The following PIGL variants were observed in gnomAD, a reference collection of about 807,000 sequenced individuals.
PIGL encodes the protein N-acetylglucosaminyl-phosphatidylinositol de-N-acetylase.
Under a neutral mutation model 31.1 loss-of-function variants are expected in PIGL, and 22 were observed. The ratio of observed to expected loss-of-function variants is 0.71; its 90% CI spans 0.51 to 1.01. PIGL has a LOEUF of 1.01. Among genes scored for constraint, PIGL ranks in the 50% least tolerant of loss-of-function variants. The pLI is 0.00. For missense variants in PIGL, 302 were observed against 315.9 expected (o/e 0.96, Z 0.33); for synonymous variants, 131 against 117.4 (o/e 1.12, Z -0.75).
intron 2 of PIGL, among the ~76,000 whole-genome samples, chr17:16,273,720 G>A (rs1353040048): frequency 6.6e-6 from 1 of 152,090 alleles, no homozygotes; most frequent in African/African-American, 2.4e-5. Context: ...AAAACAAAGG[G>A]TCTCCCAGAT....
At position 16,325,856 on chromosome 17, in the gene PIGL, C is replaced by T. The variant is rs1323305362; in HGVS notation, c.717C>T (p.Ile239=). 2 of 1,614,012 alleles carry T rather than the reference C, an allele frequency of 1.2e-6. No homozygotes were observed. The highest frequency in any genetic ancestry group is 1.3e-5 in the African/African-American group (1 of 75,060). ...QLLWFRRLYI[I]FSRYMRINSL... ...TCTGGTTCCGCCGCCTCTACATTAT[C>T]TTCTCCCGGTACATGAGAATCAACT... The change falls in exon 7 of 7, where the codon ATC becomes ATT. Residue 239 remains isoleucine, a synonymous_variant. Transcript: ENST00000225609.
chr17:16,265,468 C>T (rs1352530496), intron 2 of PIGL, among the ~76,000 whole-genome samples: 3 of 152,088 alleles, frequency 2.0e-5, no homozygotes, highest in African/African-American at 4.8e-5. Context: ...CCAGACCAGG[C>T]GCGGTGGCTC....
At chr17:16,277,829 AC>A (rs2092901893) in intron 2 of PIGL, among the ~76,000 whole-genome samples, 1 of 152,172 alleles carries the variant, frequency 6.6e-6, no homozygotes, top group Non-Finnish European at 1.5e-5. Context: ...GTGGCATACA[AC>A]AATTTTTACA....
At chr17:16,222,459 C>A (rs770612743) in intron 1 of PIGL, among the ~76,000 whole-genome samples, 2 of 152,004 alleles carry the variant, frequency 1.3e-5, no homozygotes, top group Non-Finnish European at 2.9e-5. Flanking sequence ...TTCATCCTGT[C>A]AGCAACTCTG....
At chr17:16,217,640 TGGGGGA>T in intron 1 of PIGL, 179 bp downstream of exon 1, 58 of 540,002 alleles carry the variant, frequency 1.1e-4, no homozygotes, top group South Asian at 4.5e-4. Flanking sequence ...CCTGGTGGGT[TGGGGGA>T]CGTCGGCAGC....
chr17:16,299,026 C>T (rs1274951370), intron 2 of PIGL, among the ~76,000 whole-genome samples: 1 of 151,144 alleles, frequency 6.6e-6, no homozygotes, highest in African/African-American at 2.4e-5. Context: ...GACTCTGACT[C>T]GGGAAAAATA....
At chr17:16,315,747 G>A (rs1274299264) in intron 4 of PIGL, among the ~76,000 whole-genome samples, 3 of 107,668 alleles carry the variant, frequency 2.8e-5, no homozygotes, top group Non-Finnish European at 5.1e-5. Flanking sequence ...ACAGAGTCTC[G>A]CTCTGTCACC....
chr17:16,300,786 T>C (rs111575961), intron 3 of PIGL, among the ~76,000 whole-genome samples: 1,760 of 152,200 alleles, frequency 0.012, 45 homozygotes, highest in African/African-American at 0.04. Flanking sequence ...GAAGCCAGGA[T>C]TTTTAAGCAT....
chr17:16,259,441 C>T (rs1171987205), intron 2 of PIGL, among the ~76,000 whole-genome samples: 1 of 151,648 alleles, frequency 6.6e-6, no homozygotes, highest in African/African-American at 2.4e-5. Context: ...GAGGCCGAGG[C>T]AGGAGGATCA....
intron 2 of PIGL, among the ~76,000 whole-genome samples, chr17:16,245,808 A>ATC (rs2092743526): frequency 9.7e-6 from 1 of 102,608 alleles, no homozygotes; most frequent in African/African-American, 5.1e-5. Flanking sequence ...ACACACACAT[A>ATC]TATATATATA....
At chr17:16,294,857 A>G (rs1460932524) in intron 2 of PIGL, among the ~76,000 whole-genome samples, 2 of 152,090 alleles carry the variant, frequency 1.3e-5, no homozygotes, top group African/African-American at 2.4e-5. Flanking sequence ...TTCTCCTGAC[A>G]TCTAGTTCCC....
Position 16,272,319 on chromosome 17 carries a change from A to T in PIGL, c.336-27569A>T, listed in dbSNP as rs1224315987. ...TCTGTTATTTACAGCCTCATTATTG[A>T]CATTTTGTCAATAGTTCTGACCTAT... On this transcript the variant is annotated intron_variant, in intron 2 of 6. Transcript: ENST00000225609. Among the ~76,000 whole-genome samples the T allele has an allele frequency of 2.6e-5, 4 of 152,306 alleles. No homozygotes were observed. The East Asian group carries it at 7.7e-4, about 29-fold the overall frequency.
At chr17:16,269,377 G>T (rs2142766001) in intron 2 of PIGL, among the ~76,000 whole-genome samples, 2 of 152,228 alleles carry the variant, frequency 1.3e-5, no homozygotes, top group South Asian at 4.1e-4. Flanking sequence ...GCCAGGCACT[G>T]TGGCTCATGC....
At chr17:16,228,959 T>C (rs1175779213) in intron 1 of PIGL, among the ~76,000 whole-genome samples, 1 of 152,156 alleles carries the variant, frequency 6.6e-6, no homozygotes, top group African/African-American at 2.4e-5. Flanking sequence ...AGTTCATCCA[T>C]ATTGTGGCAT....
intron 6 of PIGL, among the ~76,000 whole-genome samples, chr17:16,319,002 C>T (rs1600866437): frequency 6.6e-6 from 1 of 150,970 alleles, no homozygotes; most frequent in African/African-American, 2.4e-5. Context: ...GCCTGTAATC[C>T]CAGTACTTTG....
rs146367145 is a variant in PIGL at position 16,293,262 on chromosome 17, C to T, written c.336-6626C>T. 8.0e-3 allele frequency among the ~76,000 whole-genome samples: 1,222 copies of T among 152,352 alleles called. 9 individuals carry two copies. The highest frequency in any genetic ancestry group is 0.014 in the Non-Finnish European group (960 of 68,036). On this transcript the variant is annotated intron_variant, in intron 2 of 6. Coordinates refer to ENST00000225609, the MANE Select transcript of PIGL (RefSeq NM_004278.4). Reference sequence around the variant, plus strand: ...TCTTTCGGCCTGGCGCAGTGGCTCACGCCTGTAATCCCAGCACTTTGGAAG... The same window carrying T: ...TCTTTCGGCCTGGCGCAGTGGCTCATGCCTGTAATCCCAGCACTTTGGAAG...
At chr17:16,258,896 G>A (rs1018985968) in intron 2 of PIGL, among the ~76,000 whole-genome samples, 1 of 152,148 alleles carries the variant, frequency 6.6e-6, no homozygotes, top group Non-Finnish European at 1.5e-5. Flanking sequence ...TTGTATATGA[G>A]ACAACAAATT....
chr17:16,217,544 G>A, intron 1 of PIGL, 83 bp downstream of exon 1: 2 of 1,105,480 alleles, frequency 1.8e-6, no homozygotes, highest in South Asian at 1.4e-5. Context: ...CCTTCTTCTC[G>A]AAGTTTTCCG....
At position 16,251,143 on chromosome 17, in the gene PIGL, G is replaced by A. The variant is rs76339528; in HGVS notation, c.335+17073G>A. ...CACTTTGTTACTGTATTTGAAAGACGAGCTGGGCACGGTGGCTTGTGCATG... is the reference window on the plus strand; with the variant it reads ...CACTTTGTTACTGTATTTGAAAGACAAGCTGGGCACGGTGGCTTGTGCATG... On this transcript the variant is annotated intron_variant, in intron 2 of 6. Coordinates refer to ENST00000225609, the MANE Select transcript of PIGL (RefSeq NM_004278.4). Among the ~76,000 whole-genome samples, 1,071 of 152,140 alleles carry A rather than the reference G, an allele frequency of 7.0e-3. 12 individuals carry two copies. The highest frequency in any genetic ancestry group is 0.024 in the African/African-American group (998 of 41,526).
Sources: gnomAD v4.1 joint callset for allele counts (sites outside exome capture counted in the v4.1 genomes callset) on GRCh38, gnomAD v4.1.1 for gene constraint, MANE v1.5 for transcripts, NCBI Gene and HGNC (gene_info 2026-07-23, HGNC 2026-07-21) for gene names.